Variants in CNTNAP4 observed in about 807,000 individuals in gnomAD.
The protein encoded by CNTNAP4 is contactin associated protein family member 4.
CNTNAP4 carries 98 observed loss-of-function variants against 148.4 expected under a neutral mutation model. That is an observed-to-expected ratio of 0.66 (90% CI 0.56 to 0.78). CNTNAP4 has a LOEUF of 0.78. Ranked by LOEUF, CNTNAP4 falls within the 30% of genes least tolerant of loss-of-function variation. The pLI, the probability that CNTNAP4 is intolerant of heterozygous loss-of-function variation, is 0.00. For missense variants in CNTNAP4, 1,935 were observed against 1,565.6 expected (o/e 1.24, Z -3.98); for synonymous variants, 730 against 565.1 (o/e 1.29, Z -4.14).
intron 3 of CNTNAP4, among the ~76,000 whole-genome samples, chr16:76,416,489 TA>T (rs1451627503): frequency 6.8e-6 from 1 of 147,934 alleles, no homozygotes; most frequent in East Asian, 2.0e-4. Context: ...ACATTCTAGA[TA>T]ATTTCACATG....
chr16:76,323,754 C>T lies in CNTNAP4; in HGVS notation c.196+7231C>T, dbSNP rs191047477. On this transcript the variant is annotated intron_variant, in intron 2 of 23. Coordinates refer to ENST00000611870, the MANE Select transcript of CNTNAP4 (RefSeq NM_033401.5). ...GTGCGTTTTCCATCTTACCCTTTAT[C>T]GTCCTTGTCTGCTCTATGGCCCACA... Among the ~76,000 whole-genome samples, 22 of 152,248 alleles carry T rather than the reference C, an allele frequency of 1.4e-4. No individual in the cohort carries two copies. The South Asian group carries it at 2.5e-3, about 17-fold the overall frequency.
chr16:76,347,358 C>T (rs1476593666), intron 2 of CNTNAP4, among the ~76,000 whole-genome samples: 2 of 152,228 alleles, frequency 1.3e-5, no homozygotes, highest in East Asian at 3.9e-4. Flanking sequence ...CTTTTTTAAG[C>T]ACCTACTATG....
intron 3 of CNTNAP4, among the ~76,000 whole-genome samples, chr16:76,376,520 A>G (rs374320278): frequency 6.6e-6 from 1 of 152,312 alleles, no homozygotes; most frequent in Non-Finnish European, 1.5e-5. Flanking sequence ...ATGCAAAGAG[A>G]TCGTATATTT....
chr16:76,328,727 C>A (rs1240064967), intron 2 of CNTNAP4, among the ~76,000 whole-genome samples: 1 of 152,026 alleles, frequency 6.6e-6, no homozygotes, highest in Non-Finnish European at 1.5e-5. Context: ...CTCACTGCAA[C>A]CTCCGCCTCC....
chr16:76,292,468 C>G (rs1959153126), intron 1 of CNTNAP4, among the ~76,000 whole-genome samples: 1 of 152,140 alleles, frequency 6.6e-6, no homozygotes, highest in South Asian at 2.1e-4. Flanking sequence ...CTCTCCAGCC[C>G]TCAGCGGCAT....
intron 12 of CNTNAP4, among the ~76,000 whole-genome samples, chr16:76,483,571 G>T (rs1356531310): frequency 6.6e-6 from 1 of 152,094 alleles, no homozygotes; most frequent in Admixed American, 6.5e-5. Context: ...TTTCTTTCTA[G>T]GGCTCAGTGC....
At position 76,558,737 on chromosome 16, in the gene CNTNAP4, G is replaced by A; in HGVS notation, c.*54G>A. On this transcript the variant is annotated 3_prime_UTR_variant, in exon 24 of 24. Transcript: ENST00000611870. ...TGATAGTTTGTTTTAATAGCCAGGG[G>A]TTCTCAATGGAAAAACGAATGCTCT... The A allele has an allele frequency of 7.6e-7, 1 of 1,324,132 alleles. No individual in the cohort carries two copies. The highest frequency in any genetic ancestry group is 1.0e-6 in the Non-Finnish European group (1 of 958,410). 82.0% of individuals were successfully genotyped at this position (1,324,132 alleles called of 1,614,324 possible).
At chr16:76,380,419 T>G (rs1490368850) in intron 3 of CNTNAP4, among the ~76,000 whole-genome samples, 1 of 152,228 alleles carries the variant, frequency 6.6e-6, no homozygotes, top group Non-Finnish European at 1.5e-5. Flanking sequence ...AAGTTCCCAA[T>G]GCTTTCCTTC....
rs5817987 is a variant in CNTNAP4 at position 76,376,907 on chromosome 16, T to TTGTGTGTGTGTGTGTG, written c.390+21428_390+21443dup. 1.6e-4 allele frequency among the ~76,000 whole-genome samples: 23 copies of TTGTGTGTGTGTGTGTG among 143,544 alleles called. 1 individual carries two copies. Among genetic ancestry groups the TTGTGTGTGTGTGTGTG allele is most frequent in the East Asian group, 1.5e-3 (7 of 4,700 alleles). The allele number at this position is 143,544 out of a possible 152,430, so 94.2% of individuals were successfully genotyped here. On this transcript the variant is annotated intron_variant, in intron 3 of 23. Transcript: ENST00000611870. ...TCCAGAGAAACAAAACTAACAAGGT[T>TTGTGTGTGTGTGTGTG]TGTGTGTGTGTGTGTGTGTGTGTGT...
chr16:76,560,251 T>C lies in CNTNAP4; in HGVS notation c.*1568T>C, dbSNP rs1416528360. Among the ~76,000 whole-genome samples, 1 of 152,204 alleles carries C rather than the reference T, an allele frequency of 6.6e-6. No homozygotes were observed. Among genetic ancestry groups the C allele is most frequent in the African/African-American group, 2.4e-5 (1 of 41,466 alleles). On this transcript the variant is annotated 3_prime_UTR_variant, in exon 24 of 24. Transcript: ENST00000611870. ...ATCGGGAAATATGTAAATTTAGCAT[T>C]ACTATCATCTTATTTTCTATATTTT...
chr16:76,484,242 A>G (rs888235706), intron 12 of CNTNAP4, among the ~76,000 whole-genome samples: 2 of 117,380 alleles, frequency 1.7e-5, no homozygotes, highest in Non-Finnish European at 3.3e-5. Context: ...AAATGAGGTC[A>G]GATGGGTCAT....
At chr16:76,313,606 A>T (rs916844601) in intron 1 of CNTNAP4, among the ~76,000 whole-genome samples, 1 of 152,212 alleles carries the variant, frequency 6.6e-6, no homozygotes, top group African/African-American at 2.4e-5. Flanking sequence ...GTCAGTAGAC[A>T]TGCAGGAACT....
intron 1 of CNTNAP4, 70 bp from the exon 2 acceptor site, chr16:76,316,343 G>T (rs1191632984): frequency 3.1e-6 from 3 of 957,530 alleles, no homozygotes; most frequent in Non-Finnish European, 5.0e-6. Flanking sequence ...CTTGTTGGTT[G>T]TTTTGTCTAT....
At chr16:76,333,353 C>T (rs987645268) in intron 2 of CNTNAP4, among the ~76,000 whole-genome samples, 1 of 152,186 alleles carries the variant, frequency 6.6e-6, no homozygotes, top group African/African-American at 2.4e-5. Flanking sequence ...TTTCTTCTCT[C>T]TGCTCAAATC....
intron 11 of CNTNAP4, among the ~76,000 whole-genome samples, chr16:76,477,188 TC>T (rs1264592769): frequency 4.6e-5 from 7 of 152,086 alleles, no homozygotes; most frequent in African/African-American, 1.7e-4. Context: ...ACAACCAATA[TC>T]CCTTTTTCCT....
intron 2 of CNTNAP4, among the ~76,000 whole-genome samples, chr16:76,333,381 A>G (rs1411838650): frequency 6.6e-6 from 1 of 152,216 alleles, no homozygotes; most frequent in Non-Finnish European, 1.5e-5. Context: ...GAAGTCCTCT[A>G]GTGAATTCAT....
At chr16:76,371,655 T>C (rs528669728) in intron 3 of CNTNAP4, among the ~76,000 whole-genome samples, 259 of 152,342 alleles carry the variant, frequency 1.7e-3, no homozygotes, top group Non-Finnish European at 3.2e-3. Context: ...CTAAGTTTTA[T>C]TGAAATGTTT....
chr16:76,536,770 A>C (rs2084233128), intron 18 of CNTNAP4, among the ~76,000 whole-genome samples: 1 of 152,222 alleles, frequency 6.6e-6, no homozygotes, highest in South Asian at 2.1e-4. Flanking sequence ...GAACAGTTGT[A>C]GGATTAAGTG....
chr16:76,473,528 C>G (rs1345278123), intron 10 of CNTNAP4, among the ~76,000 whole-genome samples: 1 of 152,138 alleles, frequency 6.6e-6, no homozygotes, highest in African/African-American at 2.4e-5. Context: ...AATCCCAGCA[C>G]TTTGGGAGGC....
Sources: gnomAD v4.1 joint callset for allele counts (sites outside exome capture counted in the v4.1 genomes callset) on GRCh38, gnomAD v4.1.1 for gene constraint, MANE v1.5 for transcripts, NCBI Gene and HGNC (gene_info 2026-07-23, HGNC 2026-07-21) for gene names.